NEK1: variants seen among roughly 807,000 people sequenced by gnomAD.
NEK1 encodes the protein serine/threonine-protein kinase Nek1.
In NEK1, 137 loss-of-function variants were observed where a neutral mutation model predicts 182.1. The ratio of observed to expected loss-of-function variants is 0.75; its 90% CI spans 0.65 to 0.87. The LOEUF is 0.87. Among genes scored for constraint, NEK1 ranks in the 40% least tolerant of loss-of-function variants. The probability of loss-of-function intolerance (pLI) is 0.00; values close to 1 mark genes in which losing one functional copy is unlikely to be tolerated. For synonymous variants in NEK1, 513 were observed against 492.2 expected (o/e 1.04, Z -0.56); for missense variants, 1,391 against 1,494.4 (o/e 0.93, Z 1.14).
intron 18 of NEK1, among the ~76,000 whole-genome samples, chr4:169,547,706 T>G (rs1024045710): frequency 2.6e-5 from 4 of 152,232 alleles, no homozygotes; most frequent in Non-Finnish European, 4.4e-5. Flanking sequence ...GTCTTCTCGC[T>G]TTATTTCATT....
At chr4:169,533,938 T>C (rs1255553370) in intron 19 of NEK1, among the ~76,000 whole-genome samples, 3 of 152,080 alleles carry the variant, frequency 2.0e-5, no homozygotes, top group Non-Finnish European at 4.4e-5. Context: ...AACTGAGAAA[T>C]ATTCAAGTGA....
chr4:169,575,192 G>C (rs1178705982), intron 12 of NEK1, among the ~76,000 whole-genome samples: 1 of 152,134 alleles, frequency 6.6e-6, no homozygotes, highest in Admixed American at 6.5e-5. Context: ...GGCCCACTTA[G>C]GTTTGAATAC....
intron 35 of NEK1, among the ~76,000 whole-genome samples, chr4:169,396,489 T>G: frequency 6.7e-6 from 1 of 150,326 alleles, no homozygotes; most frequent in East Asian, 2.0e-4. Context: ...GCTGTTATAC[T>G]CCTCTCCTTG....
In NEK1 at chr4:169,588,724, AGCTCT is replaced by A; in HGVS notation, c.471_475del (p.Glu158GlyfsTer14). The A allele has an allele frequency of 6.5e-7, 1 of 1,544,866 alleles. No homozygotes were observed. The highest frequency in any genetic ancestry group is 8.8e-7 in the Non-Finnish European group (1 of 1,140,734). ...TGGGGTCCCTATGCAAGTTCGAGCC[AGCTCT>A]ACAGTACTAGAAGAAAAATAAAATT... On this transcript the variant is annotated frameshift_variant, in exon 8 of 36. Transcript: ENST00000507142. LOFTEE classifies it high-confidence loss of function.
Position 169,463,368 on chromosome 4 carries a change from A to C in NEK1, c.2462T>G (p.Leu821Ter). ...TCTTCTTGGAGATCCATTAGGACCT[A>C]ATTTAATAACTTCTCCCACTGTATG... ...ERHTVGEVIK[L>*]GPNGSPRRAW... is the part of the protein sequence containing the mutation. The change falls in exon 27 of 36, where the codon TTA becomes TGA. Residue 821 changes from leucine (L) to a stop codon, truncating the protein, a stop_gained. Coordinates refer to ENST00000507142, the MANE Select transcript of NEK1 (RefSeq NM_001199397.3). LOFTEE classifies it high-confidence loss of function. 1 of 1,608,138 alleles carries C rather than the reference A, an allele frequency of 6.2e-7. No homozygotes were observed.
chr4:169,462,836 T>C (rs1041074818), intron 27 of NEK1, among the ~76,000 whole-genome samples: 3 of 152,176 alleles, frequency 2.0e-5, no homozygotes, highest in Non-Finnish European at 2.9e-5. Context: ...TCCTGCCTCA[T>C]GACAACTCTC....
chr4:169,570,156 A>C (rs1443801956), intron 12 of NEK1, among the ~76,000 whole-genome samples: 1 of 144,634 alleles, frequency 6.9e-6, no homozygotes, highest in East Asian at 2.1e-4. Context: ...CCCGTCTGGG[A>C]TGTGAGGAGC....
intron 24 of NEK1, among the ~76,000 whole-genome samples, chr4:169,479,135 T>C (rs891412809): frequency 1.3e-5 from 2 of 152,128 alleles, no homozygotes; most frequent in African/African-American, 4.8e-5. Flanking sequence ...TTTCAGTACA[T>C]TTCTCTGTAT....
chr4:169,550,244 C>G (rs1761215847), intron 18 of NEK1, among the ~76,000 whole-genome samples: 1 of 152,150 alleles, frequency 6.6e-6, no homozygotes, highest in South Asian at 2.1e-4. Flanking sequence ...TTGTCTGCTG[C>G]AAGACATGAC....
At chr4:169,406,202 G>A (rs1452766792) in intron 32 of NEK1, among the ~76,000 whole-genome samples, 1 of 152,012 alleles carries the variant, frequency 6.6e-6, no homozygotes, top group Non-Finnish European at 1.5e-5. Flanking sequence ...GGGATTGTAG[G>A]TGTGAGCCAC....
rs573969531 is a variant in NEK1, at chr4:169,482,367, C to T, written c.2008-2833G>A. ...CAGATCCAGGCACAATAATAGCTCA[C>T]TGCAACCTTGAAATCCTAGGCTCAA... On this transcript the variant is annotated intron_variant, in intron 23 of 35. Transcript: ENST00000507142. Among the ~76,000 whole-genome samples the T allele has an allele frequency of 2.6e-5, 4 of 151,574 alleles. No individual in the cohort carries two copies. In the South Asian group the frequency reaches 8.4e-4, roughly 32 times the overall value.
intron 9 of NEK1, 73 bp from the exon 10 acceptor site, chr4:169,585,622 T>A (rs2150071752): frequency 1.0e-6 from 1 of 965,698 alleles, no homozygotes; most frequent in South Asian, 1.8e-5. Context: ...TAATGAGAAA[T>A]AGTTCTTTTC....
chr4:169,549,961 A>G (rs960278193), intron 18 of NEK1, among the ~76,000 whole-genome samples: 1 of 152,154 alleles, frequency 6.6e-6, no homozygotes, highest in Non-Finnish European at 1.5e-5. Flanking sequence ...ATCTCAAGTG[A>G]TCTGCCCACC....
At chr4:169,529,493 T>A (rs1345499483) in intron 19 of NEK1, among the ~76,000 whole-genome samples, 1 of 151,900 alleles carries the variant, frequency 6.6e-6, no homozygotes, top group African/African-American at 2.4e-5. Flanking sequence ...GAAGAAAAAA[T>A]AAAAAATCTT....
At chr4:169,585,130 A>G (rs1411239805) in intron 10 of NEK1, among the ~76,000 whole-genome samples, 1 of 152,188 alleles carries the variant, frequency 6.6e-6, no homozygotes, top group Non-Finnish European at 1.5e-5. Flanking sequence ...TTGAGGCTGC[A>G]GTGAGCTATG....
intron 23 of NEK1, among the ~76,000 whole-genome samples, chr4:169,493,713 T>C (rs1345324310): frequency 6.6e-6 from 1 of 152,174 alleles, no homozygotes; most frequent in Non-Finnish European, 1.5e-5. Context: ...ACTGGTCTTT[T>C]GAATTAACCC....
chr4:169,543,266 T>C (rs571093113), intron 18 of NEK1, among the ~76,000 whole-genome samples: 4 of 152,188 alleles, frequency 2.6e-5, no homozygotes, highest in Non-Finnish European at 5.9e-5. Flanking sequence ...ACCACTTGTT[T>C]ATCGGGTTTG....
chr4:169,482,798 A>AGCTAATTTT (rs1748313616), intron 23 of NEK1, among the ~76,000 whole-genome samples: 1 of 151,806 alleles, frequency 6.6e-6, no homozygotes. Context: ...CACCACGCTC[A>AGCTAATTTT]GCTAATTTTT....
chr4:169,521,644 T>G (rs1756069046), intron 19 of NEK1, among the ~76,000 whole-genome samples: 1 of 152,234 alleles, frequency 6.6e-6, no homozygotes, highest in Admixed American at 6.5e-5. Context: ...GTTTCCTGCA[T>G]TTGAGAGTGT....
Sources: allele counts gnomAD v4.1 joint callset (sites outside exome capture counted in the v4.1 genomes callset), GRCh38; gene constraint gnomAD v4.1.1; transcripts MANE v1.5; gene names NCBI Gene and HGNC (gene_info 2026-07-23, HGNC 2026-07-21).